Variants in FH observed in about 807,000 individuals in gnomAD.
FH encodes fumarate hydratase, mitochondrial.
A neutral mutation model predicts 49.4 loss-of-function variants in FH; 22 were observed. The observed-to-expected ratio is 0.45, with a 90% CI of 0.32 to 0.64. The LOEUF (loss-of-function observed/expected upper bound fraction) is 0.64, where lower values mean the gene tolerates loss of function less well. FH is among the 30% of genes least tolerant of loss of function. The pLI is 0.05. For missense variants in FH, 526 were observed against 641.5 expected, an observed-to-expected ratio of 0.82 and a Z score of 1.95; for synonymous variants, 208 against 223.0, an observed-to-expected ratio of 0.93 and a Z score of 0.60.
chr1:241,502,406 T>A (rs769517349), intron 8 of FH, 37 bp downstream of exon 8: 1 of 1,613,064 alleles, frequency 6.2e-7, no homozygotes. Flanking sequence ...AATAAGCCTT[T>A]GGTCAAAAAA....
At chr1:241,509,469 T>C (rs995683584) in intron 4 of FH, among the ~76,000 whole-genome samples, 2 of 152,196 alleles carry the variant, frequency 1.3e-5, no homozygotes, top group African/African-American at 4.8e-5. Flanking sequence ...CTGTTGACCC[T>C]GTACTTTTAA....
chr1:241,514,969 A>G (rs1490263066), intron 2 of FH, among the ~76,000 whole-genome samples: 3 of 152,174 alleles, frequency 2.0e-5, no homozygotes, highest in Non-Finnish European at 4.4e-5. Context: ...AATGACCCCC[A>G]GTGTTTATGG....
At position 241,497,787 on chromosome 1, in the gene FH, A is replaced by T. The variant is rs201590595; in HGVS notation, c.*41T>A. 19 of 1,523,232 alleles carry T rather than the reference A, an allele frequency of 1.2e-5. No individual in the cohort carries two copies. The highest frequency in any genetic ancestry group is 4.2e-5 in the African/African-American group (3 of 72,140). 94.4% of individuals were successfully genotyped at this position (1,523,232 alleles called of 1,614,324 possible). A position where few individuals can be genotyped will look rare whatever the true frequency, so the allele number is the denominator to read the frequency against. ...TTAAGAAATGGGAGTCTGTTTTTTTAAATTTTATACATGTTTATTTTCATT... is the reference window on the plus strand; with the variant it reads ...TTAAGAAATGGGAGTCTGTTTTTTTTAATTTTATACATGTTTATTTTCATT... On this transcript the variant is annotated 3_prime_UTR_variant, in exon 10 of 10. Transcript: ENST00000366560.
At chr1:241,516,591 C>G (rs1233948973) in intron 2 of FH, among the ~76,000 whole-genome samples, 1 of 152,252 alleles carries the variant, frequency 6.6e-6, no homozygotes, top group Non-Finnish European at 1.5e-5. Context: ...ACCACCATGG[C>G]ACACATTTAC....
chr1:241,501,817 T>G (rs1659788337), intron 8 of FH, among the ~76,000 whole-genome samples: 1 of 152,196 alleles, frequency 6.6e-6, no homozygotes, highest in East Asian at 1.9e-4. Context: ...GCGCGATGCA[T>G]CTATCGATCT....
At chr1:241,516,254 A>C (rs1403765994) in intron 2 of FH, among the ~76,000 whole-genome samples, 1 of 152,196 alleles carries the variant, frequency 6.6e-6, no homozygotes, top group Non-Finnish European at 1.5e-5. Flanking sequence ...AAAGACATGA[A>C]ATCAACCCAA....
At chr1:241,516,455 A>G (rs1001118630) in intron 2 of FH, among the ~76,000 whole-genome samples, 2 of 152,150 alleles carry the variant, frequency 1.3e-5, no homozygotes, top group African/African-American at 2.4e-5. Context: ...GAGCTGAACA[A>G]TGAGAACATA....
At position 241,500,459 on chromosome 1, in the gene FH, C is replaced by T; in HGVS notation, c.1368G>A (p.Val456=). The change falls in exon 9 of 10, where the codon GTG becomes GTA. Residue 456 remains valine (V), a synonymous_variant. Coordinates refer to ENST00000366560, the MANE Select transcript of FH (RefSeq NM_000143.4). The stretch of plus-strand genomic sequence containing the variant: ...TACCTATATGAGGATTGAGAGCTGT[C>T]ACCAACATTAGAGACTCATTCATCA... ...NKLMNESLML[V]TALNPHIGYD... 2 of 1,613,968 alleles carry T rather than the reference C, an allele frequency of 1.2e-6. No homozygotes were observed. Among genetic ancestry groups the T allele is most frequent in the Non-Finnish European group, 1.7e-6 (2 of 1,179,920 alleles).
At chr1:241,507,410 A>C (rs1558398922) in intron 5 of FH, among the ~76,000 whole-genome samples, 1 of 152,134 alleles carries the variant, frequency 6.6e-6, no homozygotes, top group Admixed American at 6.5e-5. Context: ...TTGCTAAGCA[A>C]CACATGACTG....
At chr1:241,505,018 C>T (rs1460135719) in intron 6 of FH, among the ~76,000 whole-genome samples, 3 of 151,492 alleles carry the variant, frequency 2.0e-5, no homozygotes, top group Non-Finnish European at 4.4e-5. Context: ...CAGCAATTCT[C>T]CTGCCTCAGC....
In FH at chr1:241,508,643, C is replaced by T. The variant is rs121913123; in HGVS notation, c.698G>A (p.Arg233His). The change falls in exon 5 of 10, where the codon CGT becomes CAT. Residue 233 changes from arginine (R) to histidine (H), a missense_variant. Arg to His is a conservative substitution (Grantham distance 29, BLOSUM62 0). Transcript: ENST00000366560. The part of the protein sequence containing the change: ...KEFAQIIKIG[R>H]THTQDAVPLT... Reference sequence around the variant, plus strand: ...TGGAACAGCATCCTGAGTATGAGTACGTCCAATCTTGATGATCTGTGCAAA... The same window carrying T: ...TGGAACAGCATCCTGAGTATGAGTATGTCCAATCTTGATGATCTGTGCAAA... The T allele has an allele frequency of 8.7e-6, 14 of 1,613,688 alleles. No homozygotes were observed. Among genetic ancestry groups the T allele is most frequent in the Non-Finnish European group, 9.3e-6 (11 of 1,179,798 alleles).
chr1:241,506,939 A>G (rs908404282), intron 5 of FH, among the ~76,000 whole-genome samples: 1 of 152,204 alleles, frequency 6.6e-6, no homozygotes, highest in East Asian at 1.9e-4. Flanking sequence ...GTTACACTAA[A>G]TCTATCCTTT....
chr1:241,519,558 C>T (rs2147926758), intron 1 of FH, 33 bp downstream of exon 1: 1 of 1,542,218 alleles, frequency 6.5e-7, no homozygotes. Flanking sequence ...AAGGTCACTG[C>T]GGGGAGGCCG....
intron 6 of FH, among the ~76,000 whole-genome samples, 157 bp from the exon 7 acceptor site, chr1:241,504,402 T>A (rs749385290): frequency 4.6e-5 from 7 of 152,236 alleles, no homozygotes; most frequent in Non-Finnish European, 7.3e-5. Flanking sequence ...TCTACATTTT[T>A]AAAAGAAGTC....
intron 2 of FH, among the ~76,000 whole-genome samples, chr1:241,514,420 C>T (rs1188478008): frequency 6.6e-6 from 1 of 152,144 alleles, no homozygotes; most frequent in Non-Finnish European, 1.5e-5. Context: ...TTGTCTATCC[C>T]AAATCACCTC....
intron 7 of FH, among the ~76,000 whole-genome samples, chr1:241,503,285 T>C (rs575285868): frequency 4.6e-5 from 7 of 152,170 alleles, no homozygotes; most frequent in East Asian, 1.9e-4. Context: ...AAAACAAAAT[T>C]TCATCTCTTC....
intron 8 of FH, among the ~76,000 whole-genome samples, chr1:241,502,155 CTG>C (rs1014692045): frequency 3.3e-5 from 5 of 152,066 alleles, no homozygotes; most frequent in Non-Finnish European, 5.9e-5. Flanking sequence ...TCCAAGAAGA[CTG>C]AATTTGAAGA....
At chr1:241,518,957 T>A (rs1660291879) in intron 1 of FH, 2 of 152,278 alleles carry the variant, frequency 1.3e-5, no homozygotes, top group African/African-American at 4.8e-5. Flanking sequence ...GTATTCGGAA[T>A]TGAAGAGTTT....
intron 8 of FH, among the ~76,000 whole-genome samples, chr1:241,501,275 A>G (rs1002198449): frequency 6.6e-6 from 1 of 152,222 alleles, no homozygotes; most frequent in Non-Finnish European, 1.5e-5. Flanking sequence ...GACTTCCAAC[A>G]ATGGACTCTA....
Sources: gnomAD v4.1 joint callset for allele counts (sites outside exome capture counted in the v4.1 genomes callset) on GRCh38, gnomAD v4.1.1 for gene constraint, MANE v1.5 for transcripts, NCBI Gene and HGNC (gene_info 2026-07-23, HGNC 2026-07-21) for gene names.